PDAP1: variants seen among roughly 807,000 people sequenced by gnomAD.
PDAP1 encodes PDGFA associated protein 1, also known as 28 kDa heat- and acid-stable phosphoprotein.
Under a neutral mutation model 28.0 loss-of-function variants are expected in PDAP1, and 13 were observed. That is an observed-to-expected ratio of 0.46 (90% CI 0.30 to 0.74). PDAP1 has a LOEUF of 0.74. Among genes scored for constraint, PDAP1 ranks in the 30% least tolerant of loss-of-function variants. The pLI, the probability that PDAP1 is intolerant of heterozygous loss-of-function variation, is 0.07. For missense variants in PDAP1, 150 were observed against 230.0 expected, an observed-to-expected ratio of 0.65 and a Z score of 2.25; for synonymous variants, 77 against 85.1, an observed-to-expected ratio of 0.91 and a Z score of 0.52.
intron 3 of PDAP1, among the ~76,000 whole-genome samples, chr7:99,401,700 CTTT>C (rs1180114357): frequency 3.6e-5 from 5 of 140,406 alleles, no homozygotes; most frequent in Admixed American, 7.1e-5. Flanking sequence ...CTAAAATAAT[CTTT>C]TTTTTTTTTT....
chr7:99,394,779 T>TTAAA lies in PDAP1; in HGVS notation c.*1902_*1903insTTTA, dbSNP rs1554350911. The TTAAA allele has an allele frequency of 1.5e-4, 146 of 958,110 alleles. 2 individuals are homozygous for TTAAA. The South Asian group carries it at 5.7e-3, about 38-fold the overall frequency. 59.4% of individuals were successfully genotyped at this position (958,110 alleles called of 1,614,324 possible). A position where few individuals can be genotyped will look rare whatever the true frequency, so the allele number is the denominator to read the frequency against. On this transcript the variant is annotated 3_prime_UTR_variant, in exon 6 of 6. Coordinates refer to ENST00000350498, the MANE Select transcript of PDAP1 (RefSeq NM_014891.7). Reference sequence around the variant, plus strand: ...GTGGAGGTAATAAAATGCAACTGTGTAAAAAAAAAAAAAAAAAAAAAAGTA... The same window carrying TTAAA: ...GTGGAGGTAATAAAATGCAACTGTGTTAAAAAAAAAAAAAAAAAAAAAAAAAGTA...
Position 99,403,484 on chromosome 7 carries a change from C to A in PDAP1, c.127G>T (p.Gly43Cys), listed in dbSNP as rs776535845. 1 of 1,610,550 alleles carries A rather than the reference C, an allele frequency of 6.2e-7. No individual in the cohort carries two copies. The highest frequency in any genetic ancestry group is 8.5e-7 in the Non-Finnish European group (1 of 1,176,810). ...KAREEEEQKE[G>C]GDGAAGDPKK... is the part of the protein sequence containing the mutation. The stretch of plus-strand genomic sequence containing the variant: ...GGGTCACCTGCAGCCCCATCTCCAC[C>A]TTCTTTTTGCTCCTCTTCTTCCTGT... The change falls in exon 3 of 6, where the codon GGT becomes TGT. Residue 43 changes from glycine to cysteine, a missense_variant. Coordinates refer to ENST00000350498, the MANE Select transcript of PDAP1 (RefSeq NM_014891.7).
intron 4 of PDAP1, among the ~76,000 whole-genome samples, chr7:99,399,853 C>A (rs1440525480): frequency 6.6e-6 from 1 of 152,228 alleles, no homozygotes; most frequent in Admixed American, 6.5e-5. Flanking sequence ...CATTTTCACA[C>A]AGGACTTGCA....
chr7:99,401,387 G>A (rs938389650), intron 3 of PDAP1, among the ~76,000 whole-genome samples: 2 of 152,128 alleles, frequency 1.3e-5, no homozygotes, highest in African/African-American at 4.8e-5. Flanking sequence ...GGAGGGCAAT[G>A]GCACAATCTC....
chr7:99,403,371 C>T, intron 3 of PDAP1, 27 bp downstream of exon 3: 1 of 1,355,576 alleles, frequency 7.4e-7, no homozygotes, highest in Non-Finnish European at 1.1e-6. Context: ...TGAGTCCAGG[C>T]TCTAGGCCCT....
chr7:99,398,985 C>T (rs1584418815), intron 4 of PDAP1, among the ~76,000 whole-genome samples: 1 of 152,300 alleles, frequency 6.6e-6, no homozygotes, highest in South Asian at 2.1e-4. Flanking sequence ...TGAGGATCTT[C>T]CCAAGCTTGA....
chr7:99,399,052 G>C (rs1284261154), intron 4 of PDAP1, among the ~76,000 whole-genome samples: 1 of 152,152 alleles, frequency 6.6e-6, no homozygotes, highest in Non-Finnish European at 1.5e-5. Context: ...TATTTGCACT[G>C]GGTTCCTGGA....
chr7:99,400,032 A>C (rs1584419430), intron 4 of PDAP1, among the ~76,000 whole-genome samples: 1 of 152,298 alleles, frequency 6.6e-6, no homozygotes, highest in East Asian at 1.9e-4. Flanking sequence ...GGTGCTCTGG[A>C]AGAGGGGAAT....
At chr7:99,403,139 A>T (rs1457714585) in intron 3 of PDAP1, among the ~76,000 whole-genome samples, 3 of 152,122 alleles carry the variant, frequency 2.0e-5, no homozygotes, top group Non-Finnish European at 2.9e-5. Flanking sequence ...TTGTTTTTTC[A>T]GATCTCAGTT....
chr7:99,408,531 C>G lies in PDAP1; in HGVS notation c.13+5G>C. 1 of 1,313,740 alleles carries G rather than the reference C, an allele frequency of 7.6e-7. No individual in the cohort carries two copies. 81.4% of individuals were successfully genotyped at this position (1,313,740 alleles called of 1,614,324 possible). On this transcript the variant is annotated splice_donor_5th_base_variant and intron_variant, in intron 1 of 5. Transcript: ENST00000350498. ...GCCTGCGGGCCACCGGCGCCCGCCC[C>G]TCACCTCCTTTAGGCATTGCGGCTC...
At chr7:99,406,717 T>C (rs1174327333) in intron 1 of PDAP1, 7 of 568,100 alleles carry the variant, frequency 1.2e-5, no homozygotes, top group Non-Finnish European at 1.3e-5. Flanking sequence ...CTGATTTCCA[T>C]AGTCTGTCTC....
intron 1 of PDAP1, among the ~76,000 whole-genome samples, chr7:99,406,902 C>A (rs1221881083): frequency 6.6e-6 from 1 of 152,144 alleles, no homozygotes; most frequent in Admixed American, 6.5e-5. Context: ...TAAGTCTATG[C>A]TTATTAAAGT....
At chr7:99,407,224 C>G (rs1016331427) in intron 1 of PDAP1, among the ~76,000 whole-genome samples, 2 of 152,196 alleles carry the variant, frequency 1.3e-5, no homozygotes, top group Non-Finnish European at 2.9e-5. Context: ...TAAACCTTGT[C>G]TACCCCAAAA....
intron 3 of PDAP1, among the ~76,000 whole-genome samples, chr7:99,402,707 CCT>C (rs1794895328): frequency 1.3e-5 from 2 of 151,290 alleles, no homozygotes; most frequent in African/African-American, 4.9e-5. Flanking sequence ...ACAGTGAAAC[CCT>C]GTCTCTACTA....
chr7:99,398,855 C>T (rs1238887275), intron 4 of PDAP1, among the ~76,000 whole-genome samples: 1 of 152,216 alleles, frequency 6.6e-6, no homozygotes, highest in Non-Finnish European at 1.5e-5. Flanking sequence ...CGGTGCTGCC[C>T]CCCAAGGGGA....
At chr7:99,400,267 A>C (rs765951834) in intron 4 of PDAP1, 36 bp downstream of exon 4, 1 of 1,611,258 alleles carries the variant, frequency 6.2e-7, no homozygotes, top group Non-Finnish European at 8.5e-7. Flanking sequence ...GCTGGCCTGT[A>C]TTCCCCGTGA....
At chr7:99,406,711 T>C in intron 1 of PDAP1, 1 of 601,784 alleles carries the variant, frequency 1.7e-6, no homozygotes, top group Non-Finnish European at 2.1e-6. Context: ...GCCCACCTGA[T>C]TTCCATAGTC....
rs147717963 is a variant in PDAP1, at chr7:99,406,797, T to G, written c.13+1739A>C. Among the ~76,000 whole-genome samples the G allele has an allele frequency of 5.6e-3, 853 of 152,284 alleles. 6 individuals carry two copies. The highest frequency in any genetic ancestry group is 0.02 in the African/African-American group (823 of 41,560). Reference sequence around the variant, plus strand: ...AGAGGCGGTAGCAGAGATACTGGCCTCCTCTGATTCCTTACAGCAGCTGCA... The same window carrying G: ...AGAGGCGGTAGCAGAGATACTGGCCGCCTCTGATTCCTTACAGCAGCTGCA... On this transcript the variant is annotated intron_variant, in intron 1 of 5. Coordinates refer to ENST00000350498, the MANE Select transcript of PDAP1 (RefSeq NM_014891.7).
At position 99,395,077 on chromosome 7, in the gene PDAP1, A is replaced by C; in HGVS notation, c.*1605T>G. 6.2e-6 allele frequency: 1 copy of C among 160,198 alleles called. No individual in the cohort carries two copies. The highest frequency in any genetic ancestry group is 1.4e-5 in the Non-Finnish European group (1 of 73,890). The allele number at this position is 160,198 out of a possible 1,614,324, so 9.9% of individuals were successfully genotyped here. Reference sequence around the variant, plus strand: ...CTGTCCATCCTGGGCTGCCACTCCCAAAACTGCCAGTACCAGGTGTCACTG... The same window carrying C: ...CTGTCCATCCTGGGCTGCCACTCCCCAAACTGCCAGTACCAGGTGTCACTG... On this transcript the variant is annotated 3_prime_UTR_variant, in exon 6 of 6. Transcript: ENST00000350498.
Sources: gnomAD v4.1 joint callset for allele counts (sites outside exome capture counted in the v4.1 genomes callset) on GRCh38, gnomAD v4.1.1 for gene constraint, MANE v1.5 for transcripts, NCBI Gene and HGNC (gene_info 2026-07-23, HGNC 2026-07-21) for gene names.